Variants in YIPF4 observed in about 807,000 individuals in gnomAD.
YIPF4 encodes the protein Yip1 domain family member 4, also known as protein YIPF4.
Under a neutral mutation model 29.4 loss-of-function variants are expected in YIPF4, and 18 were observed. That is an observed-to-expected ratio of 0.61 (90% confidence interval 0.42 to 0.91). The LOEUF (loss-of-function observed/expected upper bound fraction) is 0.91, where lower values mean the gene tolerates loss of function less well. YIPF4 is among the 40% of genes least tolerant of loss of function. The probability of loss-of-function intolerance (pLI) is 0.00; values close to 1 mark genes in which losing one functional copy is unlikely to be tolerated. For synonymous variants in YIPF4, 115 were observed against 104.7 expected, an observed-to-expected ratio of 1.10 and a Z score of -0.60; for missense variants, 279 against 282.7, an observed-to-expected ratio of 0.99 and a Z score of 0.09.
chr2:32,306,563 C>T lies in YIPF4; in HGVS notation c.*937C>T. 1.0e-6 allele frequency: 1 copy of T among 985,198 alleles called. No homozygotes were observed. The highest frequency in any genetic ancestry group is 1.2e-6 in the Non-Finnish European group (1 of 829,788). The allele number at this position is 985,198 out of a possible 1,614,324, so 61.0% of individuals were successfully genotyped here. On this transcript the variant is annotated 3_prime_UTR_variant, in exon 6 of 6. Coordinates refer to ENST00000238831, the MANE Select transcript of YIPF4 (RefSeq NM_032312.4). ...ATGAAGTAGAAAAAATAAAATACTT[C>T]CCAGTTGTGTGTTTTGTTTTACAGC...
intron 1 of YIPF4, among the ~76,000 whole-genome samples, chr2:32,285,335 C>T (rs1034354330): frequency 6.6e-6 from 1 of 151,978 alleles, no homozygotes; most frequent in Non-Finnish European, 1.5e-5. Context: ...ATTTTAGATG[C>T]CTTTGAGATA....
chr2:32,304,007 A>T (rs2031492032), intron 5 of YIPF4, among the ~76,000 whole-genome samples: 1 of 152,162 alleles, frequency 6.6e-6, no homozygotes, highest in Non-Finnish European at 1.5e-5. Context: ...TTAAAGTTGG[A>T]CCTAAATATT....
chr2:32,281,234 G>T (rs1190982447), intron 1 of YIPF4, among the ~76,000 whole-genome samples: 2 of 148,336 alleles, frequency 1.3e-5, no homozygotes, highest in South Asian at 2.1e-4. Flanking sequence ...CTACTCATTT[G>T]ATCTTTTTTT....
Position 32,313,342 on chromosome 2 carries a change from C to T in YIPF4, c.*7716C>T, listed in dbSNP as rs902509949. ...ATTGAACAGGTATGTCAGCACCATA[C>T]CTGACATTCTAGGCCATTCTTTCTT... On this transcript the variant is annotated 3_prime_UTR_variant, in exon 6 of 6. Transcript: ENST00000238831. 6.6e-6 allele frequency: 1 copy of T among 152,114 alleles called. No homozygotes were observed. Among genetic ancestry groups the T allele is most frequent in the Non-Finnish European group, 1.5e-5 (1 of 68,020 alleles). 9.4% of individuals were successfully genotyped at this position (152,114 alleles called of 1,614,324 possible). A position where few individuals can be genotyped will look rare whatever the true frequency, so the allele number is the denominator to read the frequency against.
chr2:32,277,957 C>T lies in YIPF4; in HGVS notation c.-199C>T, dbSNP rs2030170994. On this transcript the variant is annotated 5_prime_UTR_variant, in exon 1 of 6. Transcript: ENST00000238831. ...GGCGTCGTGGTGCTTGGGTGGTCGC[C>T]ACCAAGAAGACTTTGGTGGGGTAGT... 2 of 538,260 alleles carry T rather than the reference C, an allele frequency of 3.7e-6. No individual in the cohort carries two copies. The highest frequency in any genetic ancestry group is 6.5e-6 in the Non-Finnish European group (2 of 307,690). The allele number at this position is 538,260 out of a possible 1,614,324, so 33.3% of individuals were successfully genotyped here.
At chr2:32,298,651 C>G (rs550513347) in intron 4 of YIPF4, among the ~76,000 whole-genome samples, 1 of 152,200 alleles carries the variant, frequency 6.6e-6, no homozygotes, top group African/African-American at 2.4e-5. Flanking sequence ...GCCTCCGCCT[C>G]CCAGGTTCCC....
In YIPF4 at chr2:32,278,635, G is replaced by C. The variant is rs146111705; in HGVS notation, c.79+401G>C. Among the ~76,000 whole-genome samples, 318 of 152,230 alleles carry C rather than the reference G, an allele frequency of 2.1e-3. 1 individual carries two copies. The highest frequency in any genetic ancestry group is 7.1e-3 in the African/African-American group (294 of 41,558). On this transcript the variant is annotated intron_variant, in intron 1 of 5. Transcript: ENST00000238831. Reference sequence around the variant, plus strand: ...AAAGGAAGGAGGGCTGTTTTCTTCTGTTATGTATCAACAGATAATTTTTTG... The same window carrying C: ...AAAGGAAGGAGGGCTGTTTTCTTCTCTTATGTATCAACAGATAATTTTTTG...
At chr2:32,280,220 C>A (rs1475116689) in intron 1 of YIPF4, among the ~76,000 whole-genome samples, 3 of 151,714 alleles carry the variant, frequency 2.0e-5, no homozygotes, top group African/African-American at 7.3e-5. Context: ...CTCCGCTTCC[C>A]AGGTTCATGC....
At position 32,278,201 on chromosome 2, in the gene YIPF4, G is replaced by T; in HGVS notation, c.46G>T (p.Asp16Tyr). The T allele has an allele frequency of 6.4e-7, 1 of 1,573,796 alleles. No individual in the cohort carries two copies. The highest frequency in any genetic ancestry group is 8.6e-7 in the Non-Finnish European group (1 of 1,160,298). Reference sequence around the variant, plus strand: ...CCCGGCCTATGCCCCCACTAACGGGGACTTCACCTTTGTCTCCTCAGCAGA... The same window carrying T: ...CCCGGCCTATGCCCCCACTAACGGGTACTTCACCTTTGTCTCCTCAGCAGA... ...PPPAYAPTNGDFTFVSSADAE... is the reference protein window; with the variant it reads ...PPPAYAPTNGYFTFVSSADAE... The change falls in exon 1 of 6, where the codon GAC (aspartate) becomes TAC (tyrosine). Residue 16 changes from aspartate to tyrosine, a missense_variant. Physicochemically the swap from Asp to Tyr is radical, Grantham distance 160. Transcript: ENST00000238831.
intron 5 of YIPF4, among the ~76,000 whole-genome samples, chr2:32,304,726 C>G (rs1245418971): frequency 6.6e-6 from 1 of 152,172 alleles, no homozygotes; most frequent in African/African-American, 2.4e-5. Context: ...TGTGCCAGGT[C>G]TGTTCCTATT....
intron 3 of YIPF4, among the ~76,000 whole-genome samples, chr2:32,294,223 TC>T (rs2031067814): frequency 6.6e-6 from 1 of 151,742 alleles, no homozygotes; most frequent in Non-Finnish European, 1.5e-5. Flanking sequence ...ACTCCTCACT[TC>T]CCAGACGGGG....
Position 32,304,057 on chromosome 2 carries a change from CT to C in YIPF4, c.598-1426del, listed in dbSNP as rs947737891. The stretch of plus-strand genomic sequence containing the variant: ...TAAATGTATTATAAAATGGAAAACT[CT>C]TTTTTATATCATTAAAAATTTAGAG... On this transcript the variant is annotated intron_variant, in intron 5 of 5. Coordinates refer to ENST00000238831, the MANE Select transcript of YIPF4 (RefSeq NM_032312.4). Among the ~76,000 whole-genome samples the C allele has an allele frequency of 3.6e-4, 54 of 152,080 alleles. 1 individual carries two copies. The highest frequency in any genetic ancestry group is 1.3e-3 in the African/African-American group (52 of 41,414).
Position 32,306,408 on chromosome 2 carries a change from C to T in YIPF4, c.*782C>T, listed in dbSNP as rs1366786143. 1.0e-6 allele frequency: 1 copy of T among 984,318 alleles called. No individual in the cohort carries two copies. The highest frequency in any genetic ancestry group is 1.7e-5 in the African/African-American group (1 of 57,178). 61.0% of individuals were successfully genotyped at this position (984,318 alleles called of 1,614,324 possible). On this transcript the variant is annotated 3_prime_UTR_variant, in exon 6 of 6. Transcript: ENST00000238831. ...CAAGAGGTATAATGGATATGGCATT[C>T]ATTAAAATCTTTACTATGTACAAAA...
intron 1 of YIPF4, 121 bp downstream of exon 1, chr2:32,278,355 C>A: frequency 1.1e-6 from 1 of 949,786 alleles, no homozygotes; most frequent in Non-Finnish European, 1.5e-6. Flanking sequence ...TGACTGGTGA[C>A]TGCAGCCCAC....
In YIPF4 at chr2:32,316,212, A is replaced by G. The variant is rs1429992437; in HGVS notation, c.*10586A>G. The G allele has an allele frequency of 6.6e-6, 1 of 152,220 alleles. No individual in the cohort carries two copies. The highest frequency in any genetic ancestry group is 2.4e-5 in the African/African-American group (1 of 41,456). 9.4% of individuals were successfully genotyped at this position (152,220 alleles called of 1,614,324 possible). A position where few individuals can be genotyped will look rare whatever the true frequency, so the allele number is the denominator to read the frequency against. On this transcript the variant is annotated 3_prime_UTR_variant, in exon 6 of 6. Coordinates refer to ENST00000238831, the MANE Select transcript of YIPF4 (RefSeq NM_032312.4). ...ACTAATTTTCTTAATAAAAACATTT[A>G]TCAGTAAATTTAAATGGGCAAAGGA...
In YIPF4 at chr2:32,306,032, A is replaced by G. The variant is rs574284164; in HGVS notation, c.*406A>G. On this transcript the variant is annotated 3_prime_UTR_variant, in exon 6 of 6. Transcript: ENST00000238831. ...CAAAATGTTTTCTCCAGCATCACAGATCCTGCAGATATATATTTATATTTA... is the reference window on the plus strand; with the variant it reads ...CAAAATGTTTTCTCCAGCATCACAGGTCCTGCAGATATATATTTATATTTA... 5 of 920,716 alleles carry G rather than the reference A, an allele frequency of 5.4e-6. No individual in the cohort carries two copies. In the South Asian group the frequency reaches 2.0e-4, roughly 37 times the overall value. The allele number at this position is 920,716 out of a possible 1,614,324, so 57.0% of individuals were successfully genotyped here.
At position 32,301,605 on chromosome 2, in the gene YIPF4, A is replaced by G. The variant is rs144840111; in HGVS notation, c.597+110A>G. On this transcript the variant is annotated intron_variant, in intron 5 of 5. Coordinates refer to ENST00000238831, the MANE Select transcript of YIPF4 (RefSeq NM_032312.4). ...TAAAACTCTTTATCAAACAGTTGGT[A>G]GTATTTTGGAAGTGACCTTCCTTAC... is the stretch of plus-strand genomic sequence containing the variant. 798 of 688,020 alleles carry G rather than the reference A, an allele frequency of 1.2e-3. 2 individuals are homozygous for G. Among genetic ancestry groups the G allele is most frequent in the Admixed American group, 2.3e-3 (69 of 30,308 alleles). The allele number at this position is 688,020 out of a possible 1,614,324, so 42.6% of individuals were successfully genotyped here.
chr2:32,295,005 G>A (rs904999016), intron 3 of YIPF4, among the ~76,000 whole-genome samples: 26 of 149,598 alleles, frequency 1.7e-4, no homozygotes, highest in Admixed American at 1.0e-3. Flanking sequence ...GCAGTGAGCC[G>A]AGATGGCAGC....
chr2:32,305,886 T>A lies in YIPF4; in HGVS notation c.*260T>A. 2 of 1,079,440 alleles carry A rather than the reference T, an allele frequency of 1.9e-6. No individual in the cohort carries two copies. The highest frequency in any genetic ancestry group is 2.2e-6 in the Non-Finnish European group (2 of 892,222). 66.9% of individuals were successfully genotyped at this position (1,079,440 alleles called of 1,614,324 possible). On this transcript the variant is annotated 3_prime_UTR_variant, in exon 6 of 6. Coordinates refer to ENST00000238831, the MANE Select transcript of YIPF4 (RefSeq NM_032312.4). ...AATAAAATACAAAAGCATTGTGTTT[T>A]TAAGATTGTGTCGATATTCACCTAA... is the stretch of plus-strand genomic sequence containing the variant.
Sources: gnomAD v4.1 joint callset for allele counts (sites outside exome capture counted in the v4.1 genomes callset) on GRCh38, gnomAD v4.1.1 for gene constraint, MANE v1.5 for transcripts, NCBI Gene and HGNC (gene_info 2026-07-23, HGNC 2026-07-21) for gene names.